The following VAC14 variants were observed in gnomAD, a reference collection of about 807,000 sequenced individuals.
The protein encoded by VAC14 is protein VAC14 homolog.
VAC14 carries 47 observed loss-of-function variants against 85.3 expected under a neutral mutation model. The ratio of observed to expected loss-of-function variants is 0.55; its 90% CI spans 0.44 to 0.70. VAC14 has a LOEUF of 0.70. Ranked by LOEUF, VAC14 falls within the 30% of genes least tolerant of loss-of-function variation. The pLI is 0.00. For missense variants in VAC14, 861 were observed against 1,004.3 expected (o/e 0.86, Z 1.93); for synonymous variants, 447 against 430.5 (o/e 1.04, Z -0.47).
At chr16:70,793,974 T>C (rs1440186283) in intron 1 of VAC14, among the ~76,000 whole-genome samples, 4 of 152,136 alleles carry the variant, frequency 2.6e-5, no homozygotes, top group Non-Finnish European at 5.9e-5. Context: ...AATGAGCATG[T>C]ACTGAGCATA....
rs921465197 is a variant in VAC14, at chr16:70,752,225, C to T, written c.1372-7646G>A. On this transcript the variant is annotated intron_variant, in intron 12 of 18. Coordinates refer to ENST00000261776, the MANE Select transcript of VAC14 (RefSeq NM_018052.5). ...ACATATGCCAGAGGCCAGCGCCTAA[C>T]GCTGACTGTTAGGTTCCACTGATTA... Among the ~76,000 whole-genome samples the T allele has an allele frequency of 1.8e-4, 27 of 152,374 alleles. No individual in the cohort carries two copies. The East Asian group carries it at 1.9e-3, about 11-fold the overall frequency.
intron 14 of VAC14, among the ~76,000 whole-genome samples, chr16:70,710,987 G>T (rs999146133): frequency 6.6e-6 from 1 of 152,236 alleles, no homozygotes; most frequent in African/African-American, 2.4e-5. Context: ...GGGGCACCTC[G>T]AGTGCTCTGC....
At chr16:70,721,432 A>G (rs2054289100) in intron 14 of VAC14, among the ~76,000 whole-genome samples, 1 of 152,002 alleles carries the variant, frequency 6.6e-6, no homozygotes. Flanking sequence ...GAGGACGAGA[A>G]AGACGAGGGG....
intron 1 of VAC14, among the ~76,000 whole-genome samples, chr16:70,792,731 G>A (rs1197412031): frequency 6.6e-6 from 1 of 152,158 alleles, no homozygotes; most frequent in Non-Finnish European, 1.5e-5. Context: ...AGAGCCTGGG[G>A]CCATCCAGCA....
Position 70,762,699 on chromosome 16 carries a change from G to T in VAC14, c.1306-94C>A. The T allele has an allele frequency of 6.7e-7, 1 of 1,500,066 alleles. No individual in the cohort carries two copies. The allele number at this position is 1,500,066 out of a possible 1,614,324, so 92.9% of individuals were successfully genotyped here. ...TCCCGCTGGTGTGCACGGACCCACT[G>T]GTCTGCACGGACCACTTCCCTCCCC... On this transcript the variant is annotated intron_variant, in intron 11 of 18. Transcript: ENST00000261776. This position sits in a 1 kb window ranked among gnomAD's most constrained non-coding sequence, Gnocchi z 4.1.
chr16:70,744,671 G>T, intron 12 of VAC14, 92 bp from the exon 13 acceptor site: 1 of 1,442,470 alleles, frequency 6.9e-7, no homozygotes, highest in Non-Finnish European at 9.2e-7. Flanking sequence ...ACAGCCACCT[G>T]CAGGGGTGGG....
chr16:70,771,956 CT>C, intron 10 of VAC14, 152 bp downstream of exon 10: 1 of 680,954 alleles, frequency 1.5e-6, no homozygotes, highest in Non-Finnish European at 2.5e-6. Context: ...CTTCAGATTC[CT>C]TCATCAATTA....
intron 17 of VAC14, 104 bp from the exon 18 acceptor site, chr16:70,693,075 G>A: frequency 7.0e-7 from 1 of 1,435,394 alleles, no homozygotes; most frequent in Non-Finnish European, 9.3e-7. Flanking sequence ...GGGACTTGGT[G>A]CCATGGCACC....
At chr16:70,691,874 T>A in intron 18 of VAC14, 1 of 985,400 alleles carries the variant, frequency 1.0e-6, no homozygotes, top group Non-Finnish European at 1.2e-6. Flanking sequence ...CAAGGCTGCC[T>A]GTGTCCATCG....
chr16:70,694,412 C>T (rs907656658), intron 17 of VAC14, among the ~76,000 whole-genome samples: 3 of 152,178 alleles, frequency 2.0e-5, no homozygotes, highest in Admixed American at 2.0e-4. Context: ...GCGCACTCTG[C>T]GGAGAGCAGG....
chr16:70,745,725 C>T (rs954070270), intron 12 of VAC14, among the ~76,000 whole-genome samples: 4 of 152,216 alleles, frequency 2.6e-5, no homozygotes, highest in African/African-American at 9.6e-5. Flanking sequence ...AGGACTGTCC[C>T]TGCGCCCAGC....
chr16:70,757,631 G>C (rs1486006632), intron 12 of VAC14, among the ~76,000 whole-genome samples: 1 of 152,234 alleles, frequency 6.6e-6, no homozygotes, highest in African/African-American at 2.4e-5. Context: ...GGAAAACAGA[G>C]AGCAGCTTCT....
intron 13 of VAC14, among the ~76,000 whole-genome samples, chr16:70,740,716 G>A (rs1306501945): frequency 6.6e-6 from 1 of 152,186 alleles, no homozygotes; most frequent in East Asian, 1.9e-4. Flanking sequence ...ACAGCTGCCC[G>A]CCCAGGCTGC....
At chr16:70,728,120 G>C (rs1276643524) in intron 14 of VAC14, among the ~76,000 whole-genome samples, 1 of 152,212 alleles carries the variant, frequency 6.6e-6, no homozygotes, top group African/African-American at 2.4e-5. Context: ...TGGCTGTGCG[G>C]GTGGGAGTGA....
chr16:70,730,594 CTTTT>C (rs34654239), intron 14 of VAC14, among the ~76,000 whole-genome samples: 1 of 106,542 alleles, frequency 9.4e-6, no homozygotes, highest in Non-Finnish European at 1.8e-5. Context: ...GAGGCCCAGG[CTTTT>C]TTTTTTTTTT....
intron 14 of VAC14, among the ~76,000 whole-genome samples, chr16:70,723,141 G>T (rs2054335940): frequency 6.6e-6 from 1 of 152,076 alleles, no homozygotes; most frequent in Non-Finnish European, 1.5e-5. Context: ...AGAACTGCTT[G>T]AACCCGGGGG....
At chr16:70,794,533 C>T (rs2034465309) in intron 1 of VAC14, among the ~76,000 whole-genome samples, 1 of 152,124 alleles carries the variant, frequency 6.6e-6, no homozygotes, top group Non-Finnish European at 1.5e-5. Flanking sequence ...ATGGGGGAAG[C>T]CAGGAGGTAA....
At chr16:70,787,507 A>G (rs116484395) in intron 1 of VAC14, among the ~76,000 whole-genome samples, 7,310 of 151,918 alleles carry the variant, frequency 0.048, 496 homozygotes, top group African/African-American at 0.15. Flanking sequence ...TGAGTGGAGG[A>G]GCTGAGGGAG....
chr16:70,719,565 C>G (rs1314108739), intron 14 of VAC14, among the ~76,000 whole-genome samples: 1 of 152,130 alleles, frequency 6.6e-6, no homozygotes, highest in Non-Finnish European at 1.5e-5. Context: ...GAAAATGAGA[C>G]TTGAACAGAC....
Sources: gnomAD v4.1 joint callset for allele counts (sites outside exome capture counted in the v4.1 genomes callset) on GRCh38, gnomAD v4.1.1 for gene constraint, Gnocchi (gnomAD v3.1) non-coding constraint, MANE v1.5 for transcripts, NCBI Gene and HGNC (gene_info 2026-07-23, HGNC 2026-07-21) for gene names.